The following ERICH1 variants were observed in gnomAD, a reference collection of about 807,000 sequenced individuals.
The protein encoded by ERICH1 is glutamate-rich protein 1.
A neutral mutation model predicts 39.6 loss-of-function variants in ERICH1; 56 were observed. The observed-to-expected ratio is 1.41, with a 90% CI of 1.14 to 1.77. The LOEUF is 1.77. Among genes scored for constraint, ERICH1 ranks in the 40% most tolerant of loss-of-function variants. The probability of loss-of-function intolerance (pLI) is 0.00; values close to 1 mark genes in which losing one functional copy is unlikely to be tolerated. For synonymous variants in ERICH1, 313 were observed against 223.6 expected, an observed-to-expected ratio of 1.40 and a Z score of -3.57; for missense variants, 826 against 575.4, an observed-to-expected ratio of 1.44 and a Z score of -4.45.
chr8:666,393 A>T (rs1354159981), intron 5 of ERICH1: 1 of 152,252 alleles, frequency 6.6e-6, no homozygotes. Flanking sequence ...AAATCTGATT[A>T]TGGAAATCTA....
At chr8:670,017 A>T (rs1278992286) in intron 4 of ERICH1, among the ~76,000 whole-genome samples, 1 of 152,062 alleles carries the variant, frequency 6.6e-6, no homozygotes, top group Non-Finnish European at 1.5e-5. Flanking sequence ...TGTTTCAGGG[A>T]CACAACTTCC....
chr8:694,419 C>A (rs1040790985), intron 2 of ERICH1, among the ~76,000 whole-genome samples: 1 of 152,186 alleles, frequency 6.6e-6, no homozygotes, highest in Non-Finnish European at 1.5e-5. Flanking sequence ...TTAAACAGAA[C>A]TTAGAAATGT....
intron 1 of ERICH1, among the ~76,000 whole-genome samples, chr8:723,641 C>T (rs1563363226): frequency 6.6e-6 from 1 of 152,202 alleles, no homozygotes; most frequent in Non-Finnish European, 1.5e-5. Context: ...CTTTTTCATC[C>T]TACATCTGCC....
chr8:666,731 G>GC (rs1342776095), intron 5 of ERICH1: 2 of 152,316 alleles, frequency 1.3e-5, no homozygotes, highest in Non-Finnish European at 2.9e-5. Context: ...GCCCAGCACT[G>GC]CGCTCTGGGC....
chr8:638,464 G>A (rs189786431), intron 3 of ERICH1, among the ~76,000 whole-genome samples: 1 of 152,310 alleles, frequency 6.6e-6, no homozygotes, highest in Admixed American at 6.5e-5. Flanking sequence ...TTGATGAAAT[G>A]CACCTGGGAA....
At chr8:686,283 GC>G (rs1291456835) in intron 3 of ERICH1, among the ~76,000 whole-genome samples, 1 of 152,002 alleles carries the variant, frequency 6.6e-6, no homozygotes, top group Non-Finnish European at 1.5e-5. Context: ...TTCACTTCAA[GC>G]TAAAAGCAGT....
In ERICH1 at chr8:665,750, G is replaced by C. The variant is rs149833579; in HGVS notation, c.1259-1074C>G. The stretch of plus-strand genomic sequence containing the variant: ...TGGCCCTAATGCTGGCATCGCAGCT[G>C]AATGCAGCCCCCATGACTGAGGAAA... On this transcript the variant is annotated intron_variant, in intron 5 of 5. Transcript: ENST00000262109. 2.1e-3 allele frequency among the ~76,000 whole-genome samples: 327 copies of C among 152,322 alleles called. 1 individual carries two copies. The highest frequency in any genetic ancestry group is 6.7e-3 in the African/African-American group (280 of 41,580).
At chr8:616,453 G>C in intron 3 of ERICH1, 1 of 450,686 alleles carries the variant, frequency 2.2e-6, no homozygotes, top group Non-Finnish European at 4.5e-6. Context: ...TGGCTAAGCG[G>C]ATTCAGCGCT....
Position 673,909 on chromosome 8 carries a change from T to G in ERICH1, c.443A>C (p.Gln148Pro), listed in dbSNP as rs1429580924. The change falls in exon 4 of 6, where the codon CAG (glutamine) becomes CCG (proline). Residue 148 changes from glutamine to proline, a missense_variant. Coordinates refer to ENST00000262109, the MANE Select transcript of ERICH1 (RefSeq NM_207332.3). ...KQQSLLQEKS[Q>P]RQHTDGTTIS... is the part of the protein sequence containing the mutation. Reference sequence around the variant, plus strand: ...TGTGGTGCCATCTGTGTGCTGTCGCTGAGATTTCTCCTGTAACAGACTCTG... The same window carrying G: ...TGTGGTGCCATCTGTGTGCTGTCGCGGAGATTTCTCCTGTAACAGACTCTG... The G allele has an allele frequency of 3.1e-6, 5 of 1,613,518 alleles. No homozygotes were observed. Among genetic ancestry groups the G allele is most frequent in the Non-Finnish European group, 4.2e-6 (5 of 1,180,008 alleles).
chr8:728,505 C>T (rs1188410654), intron 1 of ERICH1, among the ~76,000 whole-genome samples: 1 of 152,210 alleles, frequency 6.6e-6, no homozygotes, highest in East Asian at 1.9e-4. Context: ...GGGGCCTCCC[C>T]AGTCCACTGC....
At chr8:682,595 C>G (rs900067792) in intron 3 of ERICH1, among the ~76,000 whole-genome samples, 1 of 152,196 alleles carries the variant, frequency 6.6e-6, no homozygotes, top group East Asian at 1.9e-4. Context: ...AACCAGAGGC[C>G]GGGCTATTTA....
intron 3 of ERICH1, among the ~76,000 whole-genome samples, chr8:618,720 A>G (rs1797092825): frequency 6.6e-6 from 1 of 152,132 alleles, no homozygotes. Context: ...ATGGATACTA[A>G]CTATTAAAAT....
intron 3 of ERICH1, among the ~76,000 whole-genome samples, chr8:630,409 C>A (rs1251792778): frequency 1.4e-5 from 2 of 144,144 alleles, no homozygotes; most frequent in Non-Finnish European, 3.1e-5. Flanking sequence ...TGACTCACAC[C>A]CTCCTGTGAC....
chr8:688,962 C>G (rs539095663), intron 3 of ERICH1, among the ~76,000 whole-genome samples: 3 of 152,120 alleles, frequency 2.0e-5, no homozygotes, highest in Non-Finnish European at 4.4e-5. Context: ...TTTTAAATGA[C>G]AGTTTTACAA....
rs1407761879 is a variant in ERICH1 at position 702,764 on chromosome 8, G to A, written c.170-10152C>T. 3.3e-5 allele frequency among the ~76,000 whole-genome samples: 5 copies of A among 152,342 alleles called. No homozygotes were observed. The East Asian group carries it at 9.6e-4, about 29-fold the overall frequency. The stretch of plus-strand genomic sequence containing the variant: ...GCTAACTGCCAAGACCCGCCAAAGT[G>A]GACCCTTTCGGCCAGCACAGCCTTG... On this transcript the variant is annotated intron_variant, in intron 2 of 5. Transcript: ENST00000262109.
chr8:658,361 G>A (rs1057346452), intron 3 of ERICH1, among the ~76,000 whole-genome samples: 17 of 152,190 alleles, frequency 1.1e-4, no homozygotes, highest in African/African-American at 3.6e-4. Flanking sequence ...AGCCCTGTGG[G>A]GTGGTCAGGC....
At position 690,488 on chromosome 8, in the gene ERICH1, C is replaced by T. The variant is rs145362790; in HGVS notation, c.304+1990G>A. ...GGGCAGGCCCTCAGCCTGTTGGAAC[C>T]GGGACCGGCAGACCCAAGGGCGCAG... On this transcript the variant is annotated intron_variant, in intron 3 of 5. Coordinates refer to ENST00000262109, the MANE Select transcript of ERICH1 (RefSeq NM_207332.3). Among the ~76,000 whole-genome samples, 492 of 152,384 alleles carry T rather than the reference C, an allele frequency of 3.2e-3. 1 individual carries two copies. Among genetic ancestry groups the T allele is most frequent in the Admixed American group, 5.2e-3 (79 of 15,312 alleles).
chr8:693,750 G>T (rs114024934), intron 2 of ERICH1, among the ~76,000 whole-genome samples: 1,581 of 143,416 alleles, frequency 0.011, 26 homozygotes, highest in African/African-American at 0.039. Flanking sequence ...GCCCCTCTGC[G>T]CACGGGACCT....
At position 731,212 on chromosome 8, in the gene ERICH1, C is replaced by A. The variant is rs760212450; in HGVS notation, c.-51G>T. 2.8e-6 allele frequency: 4 copies of A among 1,420,784 alleles called. No homozygotes were observed. The highest frequency in any genetic ancestry group is 3.0e-5 in the Admixed American group (1 of 33,458). 88.0% of individuals were successfully genotyped at this position (1,420,784 alleles called of 1,614,324 possible). A position where few individuals can be genotyped will look rare whatever the true frequency, so the allele number is the denominator to read the frequency against. ...CCACGGCGCGCGGTCCTGAGCTGAG[C>A]GCCGTGCCTTCCGGGTTCCGCCCTC... On this transcript the variant is annotated 5_prime_UTR_variant, in exon 1 of 6. Coordinates refer to ENST00000262109, the MANE Select transcript of ERICH1 (RefSeq NM_207332.3).
Sources: allele counts gnomAD v4.1 joint callset (sites outside exome capture counted in the v4.1 genomes callset), GRCh38; gene constraint gnomAD v4.1.1; transcripts MANE v1.5; gene names NCBI Gene and HGNC (gene_info 2026-07-23, HGNC 2026-07-21).